AOPEP: variants seen among roughly 807,000 people sequenced by gnomAD.
AOPEP encodes the protein aminopeptidase O.
AOPEP carries 77 observed loss-of-function variants against 98.1 expected under a neutral mutation model. That is an observed-to-expected ratio of 0.78 (90% CI 0.65 to 0.95). AOPEP has a LOEUF of 0.95. Among genes scored for constraint, AOPEP ranks in the 40% least tolerant of loss-of-function variants. The pLI is 0.00. For missense variants in AOPEP, 1,024 were observed against 1,024.7 expected, an observed-to-expected ratio of 1.00 and a Z score of 0.01; for synonymous variants, 346 against 365.3, an observed-to-expected ratio of 0.95 and a Z score of 0.60.
intron 16 of AOPEP, among the ~76,000 whole-genome samples, chr9:95,083,188 T>C (rs1288892113): frequency 6.6e-6 from 1 of 152,114 alleles, no homozygotes; most frequent in Non-Finnish European, 1.5e-5. Context: ...CATGTGTGAA[T>C]TGGAGGTTCC....
intron 13 of AOPEP, among the ~76,000 whole-genome samples, chr9:95,051,089 CTT>C (rs34143867): frequency 3.2e-4 from 41 of 129,916 alleles, no homozygotes; most frequent in East Asian, 2.0e-3. Context: ...TTGTGGCTTA[CTT>C]TTTTTTTTTT....
At chr9:95,139,834 TTATATATATATA>T in the AOPEP span, among the ~76,000 whole-genome samples, 2 of 143,164 alleles carry the variant, frequency 1.4e-5, no homozygotes, top group Admixed American at 1.4e-4. Context: ...ATATATATAT[TTATATATATATA>T]TATATAAATA....
At position 94,738,548 on chromosome 9, in the gene AOPEP, A is replaced by G. The variant is rs527826251; in HGVS notation, c.-136+11797A>G. Among the ~76,000 whole-genome samples the G allele has an allele frequency of 5.3e-5, 8 of 152,294 alleles. No homozygotes were observed. The East Asian group carries it at 1.5e-3, about 29-fold the overall frequency. Reference sequence around the variant, plus strand: ...GTACCACCTGTGCTACAGGAGATACAGAAAAGGACACGAGAAAAAAAATTA... The same window carrying G: ...GTACCACCTGTGCTACAGGAGATACGGAAAAGGACACGAGAAAAAAAATTA... On this transcript the variant is annotated intron_variant, in intron 1 of 16. Coordinates refer to ENST00000375315, the MANE Select transcript of AOPEP (RefSeq NM_001193329.3).
intron 4 of AOPEP, among the ~76,000 whole-genome samples, chr9:94,795,792 G>A (rs1846796005): frequency 2.0e-5 from 3 of 152,180 alleles, no homozygotes; most frequent in South Asian, 4.1e-4. Context: ...GGGAAGAGAT[G>A]ATGTCTAAAA....
In AOPEP at chr9:95,080,708, G is replaced by T; in HGVS notation, c.2247G>T (p.Trp749Cys). ...QDQDAEVRHR[W>C]CELIVKHKFT... ...TGTTCCTCCAGGTTCGCCATCGGTG[G>T]TGTGAACTCATTGTTAAGCACAAGT... Residue 749 changes from tryptophan (W) to cysteine (C), a missense_variant, in exon 15 of 17, where the codon TGG (tryptophan) becomes TGT (cysteine). Physicochemically the swap from Trp to Cys is radical, Grantham distance 215. Coordinates refer to ENST00000375315, the MANE Select transcript of AOPEP (RefSeq NM_001193329.3). 1 of 1,613,746 alleles carries T rather than the reference G, an allele frequency of 6.2e-7. No homozygotes were observed. The highest frequency in any genetic ancestry group is 8.5e-7 in the Non-Finnish European group (1 of 1,179,916).
downstream of AOPEP, among the ~76,000 whole-genome samples, chr9:95,089,712 A>G (rs539698616): frequency 4.3e-3 from 656 of 152,336 alleles, no homozygotes; most frequent in South Asian, 0.012. Flanking sequence ...TGCTTTGGAA[A>G]GCATGGAAAC....
At chr9:95,031,385 C>T (rs936398171) in intron 13 of AOPEP, among the ~76,000 whole-genome samples, 2 of 152,118 alleles carry the variant, frequency 1.3e-5, no homozygotes, top group Admixed American at 6.5e-5. Flanking sequence ...AATCACGGAG[C>T]GTGTTCTTGG....
At chr9:94,942,976 CA>C (rs1361149448) in intron 7 of AOPEP, among the ~76,000 whole-genome samples, 1 of 147,746 alleles carries the variant, frequency 6.8e-6, no homozygotes, top group African/African-American at 2.5e-5. Context: ...CAAAACGGAT[CA>C]AAAACCCAAA....
chr9:95,049,314 A>G (rs1768545647), intron 13 of AOPEP, among the ~76,000 whole-genome samples: 1 of 152,210 alleles, frequency 6.6e-6, no homozygotes, highest in Admixed American at 6.5e-5. Flanking sequence ...AATTCTGTAA[A>G]AATGCGGGAT....
intron 5 of AOPEP, among the ~76,000 whole-genome samples, chr9:94,814,800 A>T (rs900066678): frequency 6.6e-6 from 1 of 152,228 alleles, no homozygotes. Flanking sequence ...AGGATTTTGC[A>T]CTGTCGGACG....
At chr9:94,988,933 A>G (rs116654205) in intron 11 of AOPEP, among the ~76,000 whole-genome samples, 6,109 of 149,876 alleles carry the variant, frequency 0.041, 432 homozygotes, top group African/African-American at 0.14. Context: ...TTTTTAGACA[A>G]AGTCTCGGTC....
the AOPEP span, chr9:95,111,502 G>A: frequency 5.6e-5 from 90 of 1,613,880 alleles, no homozygotes; most frequent in East Asian, 8.9e-5. Context: ...CACGGGGGCC[G>A]TAGTAGAAGG....
At chr9:94,833,295 T>G (rs2041144510) in intron 5 of AOPEP, among the ~76,000 whole-genome samples, 1 of 128,894 alleles carries the variant, frequency 7.8e-6, no homozygotes, top group Admixed American at 9.7e-5. Context: ...TGGAGTGCAA[T>G]GGCATGATCT....
chr9:94,823,672 G>A (rs534563884), intron 5 of AOPEP, among the ~76,000 whole-genome samples: 1 of 152,284 alleles, frequency 6.6e-6, no homozygotes, highest in African/African-American at 2.4e-5. Flanking sequence ...AGGAGGTGTA[G>A]ATTGAGCAAG....
At chr9:94,934,156 C>T (rs1357681107) in intron 7 of AOPEP, among the ~76,000 whole-genome samples, 5 of 152,080 alleles carry the variant, frequency 3.3e-5, no homozygotes, top group African/African-American at 7.2e-5. Flanking sequence ...AGCTCCAAAA[C>T]GGAAATGTCC....
Position 94,817,222 on chromosome 9 carries a change from C to T in AOPEP, c.1364+16220C>T, listed in dbSNP as rs564235567. On this transcript the variant is annotated intron_variant, in intron 5 of 16. Transcript: ENST00000375315. ...GTTTCGCCACGTTGTCCAGGCTGGT[C>T]GCGAACTCCTGGACTCAAGCAATCT... 7.9e-5 allele frequency among the ~76,000 whole-genome samples: 12 copies of T among 152,186 alleles called. No homozygotes were observed. The South Asian group carries it at 1.7e-3, about 21-fold the overall frequency.
chr9:94,748,165 G>A (rs2132135253), intron 1 of AOPEP, among the ~76,000 whole-genome samples: 1 of 152,188 alleles, frequency 6.6e-6, no homozygotes, highest in South Asian at 2.1e-4. Flanking sequence ...CACCTGAAAG[G>A]TATCATTTCA....
the AOPEP span, among the ~76,000 whole-genome samples, chr9:95,141,311 C>CAAAAAA: frequency 1.6e-4 from 9 of 54,882 alleles, no homozygotes; most frequent in East Asian, 6.2e-3. Flanking sequence ...GACCCTGTCT[C>CAAAAAA]AAAAAAAAAA....
the AOPEP span, among the ~76,000 whole-genome samples, chr9:95,094,420 C>T: frequency 2.0e-5 from 3 of 152,200 alleles, no homozygotes; most frequent in African/African-American, 7.2e-5. Flanking sequence ...CAGCTCACCA[C>T]GATCCGCCTG....
Sources: gnomAD v4.1 joint callset for allele counts (sites outside exome capture counted in the v4.1 genomes callset) on GRCh38, gnomAD v4.1.1 for gene constraint, MANE v1.5 for transcripts, NCBI Gene and HGNC (gene_info 2026-07-23, HGNC 2026-07-21) for gene names.